NCAM2: variants seen among roughly 807,000 people sequenced by gnomAD.
NCAM2 encodes the protein N-CAM-2.
NCAM2 carries 30 observed loss-of-function variants against 98.1 expected under a neutral mutation model. That is an observed-to-expected ratio of 0.31 (90% CI 0.23 to 0.41). NCAM2 has a LOEUF of 0.41. Ranked by LOEUF, NCAM2 falls within the 10% of genes least tolerant of loss-of-function variation. The probability of loss-of-function intolerance (pLI) is 1.00; values close to 1 mark genes in which losing one functional copy is unlikely to be tolerated. For synonymous variants in NCAM2, 368 were observed against 342.4 expected (o/e 1.07, Z -0.83); for missense variants, 867 against 1,005.8 (o/e 0.86, Z 1.87).
At position 21,316,840 on chromosome 21, in the gene NCAM2, G is replaced by A. The variant is rs1362686310; in HGVS notation, c.620-7543G>A. On this transcript the variant is annotated intron_variant, in intron 5 of 17. Transcript: ENST00000400546. ...ATTACAGGCGTTAGCCACCGCGCCCGGCCATATTTATTCTTGATATATAAA... is the reference window on the plus strand; with the variant it reads ...ATTACAGGCGTTAGCCACCGCGCCCAGCCATATTTATTCTTGATATATAAA... 5.3e-5 allele frequency among the ~76,000 whole-genome samples: 8 copies of A among 151,906 alleles called. 1 individual carries two copies. In the East Asian group the frequency reaches 7.7e-4, roughly 15 times the overall value.
At chr21:21,343,350 T>TAC (rs1254922171) in intron 8 of NCAM2, among the ~76,000 whole-genome samples, 2 of 78,094 alleles carry the variant, frequency 2.6e-5, no homozygotes, top group Non-Finnish European at 5.5e-5. Flanking sequence ...AACAACTATC[T>TAC]ATACACATAC....
chr21:21,416,210 G>GA (rs1491478308), intron 10 of NCAM2, among the ~76,000 whole-genome samples: 1 of 151,994 alleles, frequency 6.6e-6, no homozygotes, highest in Admixed American at 6.6e-5. Flanking sequence ...GCCAAAGAGG[G>GA]AGAGAGATGA....
chr21:21,187,050 T>C (rs1391970553), intron 1 of NCAM2, among the ~76,000 whole-genome samples: 3 of 151,890 alleles, frequency 2.0e-5, no homozygotes, highest in Non-Finnish European at 4.4e-5. Flanking sequence ...GCCAACATGG[T>C]GAAACCCCGT....
intron 16 of NCAM2, among the ~76,000 whole-genome samples, chr21:21,532,152 ATGTT>A (rs1368849660): frequency 1.3e-5 from 2 of 151,986 alleles, no homozygotes; most frequent in African/African-American, 2.4e-5. Context: ...AATAACCTAA[ATGTT>A]TGTCAGTTGG....
At chr21:21,309,783 G>A (rs552349661) in intron 5 of NCAM2, among the ~76,000 whole-genome samples, 39 of 152,196 alleles carry the variant, frequency 2.6e-4, no homozygotes, top group African/African-American at 8.7e-4. Context: ...TCATTCCTGT[G>A]CTGCAATCTA....
chr21:21,367,902 C>T (rs1465676545), intron 8 of NCAM2, among the ~76,000 whole-genome samples: 1 of 151,836 alleles, frequency 6.6e-6, no homozygotes, highest in Admixed American at 6.6e-5. Context: ...TATTATATTA[C>T]ATTAAAGTAG....
chr21:21,161,131 A>C (rs534867181), intron 1 of NCAM2, among the ~76,000 whole-genome samples: 2 of 152,072 alleles, frequency 1.3e-5, no homozygotes, highest in African/African-American at 2.4e-5. Flanking sequence ...AATTTAAACA[A>C]GAAAAGTTAG....
intron 1 of NCAM2, among the ~76,000 whole-genome samples, chr21:21,084,049 C>T (rs765235511): frequency 2.0e-5 from 3 of 152,076 alleles, no homozygotes; most frequent in Non-Finnish European, 2.9e-5. Flanking sequence ...GCTGGGAAGA[C>T]CTAGATCAAA....
At chr21:21,371,469 G>T (rs1171399778) in intron 8 of NCAM2, among the ~76,000 whole-genome samples, 1 of 151,732 alleles carries the variant, frequency 6.6e-6, no homozygotes, top group Non-Finnish European at 1.5e-5. Context: ...CATTGATCTT[G>T]CATTCTGCCT....
At chr21:21,519,378 A>G (rs1455609027) in intron 16 of NCAM2, among the ~76,000 whole-genome samples, 2 of 152,144 alleles carry the variant, frequency 1.3e-5, no homozygotes, top group African/African-American at 2.4e-5. Context: ...TTTTGGCCCA[A>G]GGCAGTGGTA....
chr21:21,265,114 AC>A lies in NCAM2; in HGVS notation c.56-15463del, dbSNP rs1568855847. Among the ~76,000 whole-genome samples the A allele has an allele frequency of 2.1e-3, 97 of 45,354 alleles. 1 individual carries two copies. Among genetic ancestry groups the A allele is most frequent in the African/African-American group, 6.4e-3 (92 of 14,384 alleles). The allele number at this position is 45,354 out of a possible 152,430, so 29.8% of individuals were successfully genotyped here. ...TTATATATACATATATAATATATAT[AC>A]ATACATATATTATATATACATATAT... On this transcript the variant is annotated intron_variant, in intron 1 of 17. Transcript: ENST00000400546.
chr21:21,090,701 A>C (rs931445260), intron 1 of NCAM2, among the ~76,000 whole-genome samples: 1 of 152,134 alleles, frequency 6.6e-6, no homozygotes, highest in African/African-American at 2.4e-5. Flanking sequence ...AGTACCTTAC[A>C]AGCTATTTGA....
intron 1 of NCAM2, among the ~76,000 whole-genome samples, chr21:21,038,759 G>C (rs1391333865): frequency 6.6e-6 from 1 of 152,124 alleles, no homozygotes; most frequent in African/African-American, 2.4e-5. Flanking sequence ...ATACACTTCT[G>C]AAATATACTG....
intron 15 of NCAM2, among the ~76,000 whole-genome samples, chr21:21,504,171 A>C (rs903264255): frequency 1.3e-5 from 2 of 152,072 alleles, no homozygotes; most frequent in East Asian, 3.9e-4. Flanking sequence ...CTCTAACACA[A>C]GTATAAAAAG....
At chr21:21,241,970 A>C (rs1312512268) in intron 1 of NCAM2, among the ~76,000 whole-genome samples, 1 of 152,178 alleles carries the variant, frequency 6.6e-6, no homozygotes, top group African/African-American at 2.4e-5. Context: ...TCAAGTAAAA[A>C]TTCAGAAAAT....
chr21:21,384,536 C>T (rs2076224480), intron 9 of NCAM2, among the ~76,000 whole-genome samples: 1 of 151,834 alleles, frequency 6.6e-6, no homozygotes, highest in Non-Finnish European at 1.5e-5. Context: ...TGGAAATCTA[C>T]CTCACGTTTC....
intron 8 of NCAM2, among the ~76,000 whole-genome samples, chr21:21,359,915 AAAC>A (rs1345511924): frequency 6.6e-6 from 1 of 151,954 alleles, no homozygotes; most frequent in East Asian, 1.9e-4. Flanking sequence ...TAAATTGTTT[AAAC>A]AACAAGATTA....
intron 9 of NCAM2, among the ~76,000 whole-genome samples, chr21:21,396,543 A>G (rs916095112): frequency 3.9e-5 from 6 of 151,976 alleles, no homozygotes; most frequent in South Asian, 2.1e-4. Flanking sequence ...AGCTCATGCT[A>G]TTGGCCTAGA....
chr21:21,280,078 T>A (rs1159863747), intron 1 of NCAM2, among the ~76,000 whole-genome samples: 9 of 152,218 alleles, frequency 5.9e-5, no homozygotes, highest in Admixed American at 5.2e-4. Context: ...AAATCAGTGC[T>A]GCTTCATCTT....
Sources: allele counts gnomAD v4.1 joint callset (sites outside exome capture counted in the v4.1 genomes callset), GRCh38; gene constraint gnomAD v4.1.1; transcripts MANE v1.5; gene names NCBI Gene and HGNC (gene_info 2026-07-23, HGNC 2026-07-21).